The following PANX1 variants were observed in gnomAD, a reference collection of about 807,000 sequenced individuals.
PANX1 encodes pannexin 1.
PANX1 carries 30 observed loss-of-function variants against 38.7 expected under a neutral mutation model. The ratio of observed to expected loss-of-function variants is 0.78; its 90% CI spans 0.58 to 1.05. The LOEUF (loss-of-function observed/expected upper bound fraction) is 1.05. PANX1 is among the 50% of genes least tolerant of loss of function. The pLI is 0.00. For synonymous variants in PANX1, 230 were observed against 212.2 expected, an observed-to-expected ratio of 1.08 and a Z score of -0.73; for missense variants, 551 against 517.2, an observed-to-expected ratio of 1.07 and a Z score of -0.63.
chr11:94,172,965 C>T (rs1366598286), intron 2 of PANX1, among the ~76,000 whole-genome samples: 5 of 151,722 alleles, frequency 3.3e-5, no homozygotes, highest in Non-Finnish European at 5.9e-5. Context: ...ACCACAGCAC[C>T]TTTGGTGCTG....
At chr11:94,175,524 G>A (rs563546538) in intron 2 of PANX1, among the ~76,000 whole-genome samples, 3 of 151,820 alleles carry the variant, frequency 2.0e-5, no homozygotes, top group Admixed American at 6.5e-5. Flanking sequence ...ACAGTTCGAA[G>A]TGAAATGCCA....
chr11:94,135,452 T>C (rs544175382), intron 1 of PANX1, among the ~76,000 whole-genome samples: 37 of 152,308 alleles, frequency 2.4e-4, no homozygotes, highest in South Asian at 6.2e-4. Flanking sequence ...TTTAGACCTG[T>C]CTTTGGGAAT....
At chr11:94,154,135 G>T (rs1304747000) in intron 2 of PANX1, among the ~76,000 whole-genome samples, 1 of 152,204 alleles carries the variant, frequency 6.6e-6, no homozygotes, top group East Asian at 1.9e-4. Flanking sequence ...CTCTGGGGGT[G>T]TTGGCTGTAG....
Position 94,129,380 on chromosome 11 carries a change from C to A in PANX1, c.68C>A (p.Pro23His). ...TTCTTGCTGAAGGAGCCCACGGAGC[C>A]CAAGTTCAAGGGGCTGCGACTGGAG... ...SDFLLKEPTE[P>H]KFKGLRLELA... is the part of the protein sequence containing the mutation. The change falls in exon 1 of 5, where the codon CCC (proline) becomes CAC (histidine). Residue 23 changes from proline to histidine, a missense_variant. Transcript: ENST00000227638. 6.2e-7 allele frequency: 1 copy of A among 1,613,956 alleles called. No individual in the cohort carries two copies. Among genetic ancestry groups the A allele is most frequent in the Non-Finnish European group, 8.5e-7 (1 of 1,179,930 alleles).
In PANX1 at chr11:94,180,130, T is replaced by G. The variant is rs1181719784; in HGVS notation, c.1074T>G (p.Gly358=). The stretch of plus-strand genomic sequence containing the variant: ...TACTGGAGAATATTAAGAGCAGTGG[T>G]CAGGGGATCGACCCAATGCTACTCC... ...LKVLENIKSS[G]QGIDPMLLLT... The change falls in exon 4 of 5, where the codon GGT becomes GGG. Residue 358 remains glycine, a synonymous_variant. Transcript: ENST00000227638. The G allele has an allele frequency of 1.9e-6, 3 of 1,613,934 alleles. No individual in the cohort carries two copies. Among genetic ancestry groups the G allele is most frequent in the Non-Finnish European group, 2.5e-6 (3 of 1,179,956 alleles).
intron 2 of PANX1, among the ~76,000 whole-genome samples, chr11:94,173,922 C>T (rs1169761365): frequency 6.6e-6 from 1 of 151,674 alleles, no homozygotes; most frequent in East Asian, 1.9e-4. Context: ...CAGAAGTCCA[C>T]AATCAAGGTG....
At chr11:94,140,061 A>G (rs935286940) in intron 1 of PANX1, among the ~76,000 whole-genome samples, 2 of 152,232 alleles carry the variant, frequency 1.3e-5, no homozygotes, top group African/African-American at 4.8e-5. Flanking sequence ...TGGGCTAAAT[A>G]GAGTAGAAAT....
chr11:94,143,233 A>C (rs535362219), intron 1 of PANX1, among the ~76,000 whole-genome samples: 1 of 152,362 alleles, frequency 6.6e-6, no homozygotes, highest in East Asian at 1.9e-4. Context: ...AGAAGGACTT[A>C]ATGAAGTTGG....
At chr11:94,160,680 A>G (rs562582452) in intron 2 of PANX1, among the ~76,000 whole-genome samples, 5 of 152,226 alleles carry the variant, frequency 3.3e-5, no homozygotes, top group African/African-American at 7.2e-5. Flanking sequence ...TCTTTATCCA[A>G]TTTGCCAGTC....
At chr11:94,178,616 T>A in intron 3 of PANX1, 24 bp downstream of exon 3, 1 of 1,577,730 alleles carries the variant, frequency 6.3e-7, no homozygotes, top group Non-Finnish European at 8.7e-7. Flanking sequence ...AGCAGGCAGC[T>A]CATCGGGTTT....
In PANX1 at chr11:94,163,319, C is replaced by G. The variant is rs1026970493; in HGVS notation, c.321+9689C>G. On this transcript the variant is annotated intron_variant, in intron 2 of 4. Coordinates refer to ENST00000227638, the MANE Select transcript of PANX1 (RefSeq NM_015368.4). Reference sequence around the variant, plus strand: ...CTTGTTCCATATCTTAGAGGAAAGGCTTTCAGTTTTTCCCCATTCTTTGTG... The same window carrying G: ...CTTGTTCCATATCTTAGAGGAAAGGGTTTCAGTTTTTCCCCATTCTTTGTG... Among the ~76,000 whole-genome samples, 3 of 152,116 alleles carry G rather than the reference C, an allele frequency of 2.0e-5. No individual in the cohort carries two copies. In the South Asian group the frequency reaches 6.2e-4, roughly 32 times the overall value.
chr11:94,164,039 T>C (rs1470960334), intron 2 of PANX1, among the ~76,000 whole-genome samples: 1 of 152,144 alleles, frequency 6.6e-6, no homozygotes, highest in African/African-American at 2.4e-5. Flanking sequence ...TAATAGTCTT[T>C]AGTGATCCTT....
chr11:94,158,482 T>C (rs1247942107), intron 2 of PANX1, among the ~76,000 whole-genome samples: 1 of 151,946 alleles, frequency 6.6e-6, no homozygotes, highest in African/African-American at 2.4e-5. Flanking sequence ...TAAGTTGGAT[T>C]CCTAGGTATT....
At chr11:94,153,013 C>T (rs927210702) in intron 1 of PANX1, among the ~76,000 whole-genome samples, 6 of 152,156 alleles carry the variant, frequency 3.9e-5, no homozygotes, top group Non-Finnish European at 8.8e-5. Flanking sequence ...TGTTCTATTA[C>T]CAATGTTCCC....
At chr11:94,178,279 A>G in intron 2 of PANX1, 90 bp from the exon 3 acceptor site, 1 of 968,592 alleles carries the variant, frequency 1.0e-6, no homozygotes, top group Middle Eastern at 2.8e-4. Context: ...CATTTGTCTC[A>G]AGATGTGAGA....
At chr11:94,176,131 C>A (rs1373530969) in intron 2 of PANX1, among the ~76,000 whole-genome samples, 1 of 151,662 alleles carries the variant, frequency 6.6e-6, no homozygotes, top group African/African-American at 2.4e-5. Flanking sequence ...CACAGAAAAT[C>A]ACAGATATCC....
intron 2 of PANX1, among the ~76,000 whole-genome samples, chr11:94,158,850 G>A (rs1463426597): frequency 1.3e-5 from 2 of 152,108 alleles, no homozygotes; most frequent in South Asian, 2.1e-4. Context: ...AATGCTTCCA[G>A]TTTTTGCCCA....
intron 2 of PANX1, among the ~76,000 whole-genome samples, chr11:94,177,381 G>T (rs951337175): frequency 6.6e-6 from 1 of 151,430 alleles, no homozygotes; most frequent in Non-Finnish European, 1.5e-5. Context: ...TCACGCAAAA[G>T]GATAGTCGAA....
At chr11:94,174,928 C>G (rs1374679263) in intron 2 of PANX1, among the ~76,000 whole-genome samples, 2 of 151,708 alleles carry the variant, frequency 1.3e-5, no homozygotes, top group African/African-American at 4.9e-5. Context: ...ATTTTTAAGG[C>G]AGATAGACTG....
Sources: gnomAD v4.1 joint callset for allele counts (sites outside exome capture counted in the v4.1 genomes callset) on GRCh38, gnomAD v4.1.1 for gene constraint, MANE v1.5 for transcripts, NCBI Gene and HGNC (gene_info 2026-07-23, HGNC 2026-07-21) for gene names.